The following ANXA6 variants were observed in gnomAD, a reference collection of about 807,000 sequenced individuals.
The protein encoded by ANXA6 is annexin A6.
In ANXA6, 71 loss-of-function variants were observed where a neutral mutation model predicts 95.4. The ratio of observed to expected loss-of-function variants is 0.74; its 90% CI spans 0.61 to 0.91. The LOEUF (loss-of-function observed/expected upper bound fraction) is 0.91. Among genes scored for constraint, ANXA6 ranks in the 40% least tolerant of loss-of-function variants. ANXA6 has a pLI of 0.00. For synonymous variants in ANXA6, 289 were observed against 315.9 expected (o/e 0.91, Z 0.90); for missense variants, 830 against 876.4 (o/e 0.95, Z 0.67).
At chr5:151,121,991 T>C (rs1007730967) in intron 17 of ANXA6, among the ~76,000 whole-genome samples, 156 bp downstream of exon 17, 1 of 152,206 alleles carries the variant, frequency 6.6e-6, no homozygotes, top group Non-Finnish European at 1.5e-5. Context: ...TTTTCAGTTA[T>C]AGGAGCCAAC....
At chr5:151,116,973 T>C (rs1414045757) in intron 20 of ANXA6, among the ~76,000 whole-genome samples, 154 bp downstream of exon 20, 1 of 152,184 alleles carries the variant, frequency 6.6e-6, no homozygotes, top group Non-Finnish European at 1.5e-5. Flanking sequence ...CTTCTAAACC[T>C]CATTTCTACA....
In ANXA6 at chr5:151,118,158, C is replaced by T. The variant is rs183460233; in HGVS notation, c.1439-321G>A. On this transcript the variant is annotated intron_variant, in intron 18 of 25. Transcript: ENST00000354546. ...GTCATTCTCTCTTCTACCTTCCCTC[C>T]TGCATGGCAGTTGCTAAACCCAAAA... Among the ~76,000 whole-genome samples the T allele has an allele frequency of 5.1e-4, 77 of 152,278 alleles. 1 individual carries two copies. The highest frequency in any genetic ancestry group is 1.3e-3 in the Admixed American group (20 of 15,294).
chr5:151,138,915 C>A (rs1765746228), intron 4 of ANXA6, 124 bp from the exon 5 acceptor site: 2 of 717,934 alleles, frequency 2.8e-6, no homozygotes, highest in Non-Finnish European at 4.9e-6. Flanking sequence ...ATTAAATCAT[C>A]ACCCTTGGAG....
chr5:151,104,452 T>C (rs1764639653), intron 24 of ANXA6, among the ~76,000 whole-genome samples: 1 of 152,300 alleles, frequency 6.6e-6, no homozygotes, highest in African/African-American at 2.4e-5. Flanking sequence ...GCTATGTAAA[T>C]GTGGGCAACG....
At chr5:151,115,057 G>C (rs181557245) in intron 20 of ANXA6, among the ~76,000 whole-genome samples, 167 of 152,256 alleles carry the variant, frequency 1.1e-3, no homozygotes, top group Admixed American at 2.4e-3. Flanking sequence ...AAAAGAGTTT[G>C]CTACTAGGAA....
chr5:151,110,803 G>A (rs901634530), intron 20 of ANXA6, among the ~76,000 whole-genome samples, 159 bp from the exon 21 acceptor site: 1 of 152,158 alleles, frequency 6.6e-6, no homozygotes, highest in African/African-American at 2.4e-5. Context: ...GCGAAAGGAA[G>A]GGGGGTAGGG....
chr5:151,105,094 T>A, intron 24 of ANXA6, 151 bp downstream of exon 24: 1 of 776,970 alleles, frequency 1.3e-6, no homozygotes, highest in Non-Finnish European at 2.2e-6. Flanking sequence ...AATACCATCC[T>A]AGAGCCAGAC....
rs1017773735 is a variant in ANXA6, at chr5:151,122,977, C to A, written c.1173G>T (p.Thr391=). ...GCTGCCGCTGGACATTGCTGCGGTGCGTGATGATATCGATGATTGTGTCTT... is the reference window on the plus strand; with the variant it reads ...GCTGCCGCTGGACATTGCTGCGGTGAGTGATGATATCGATGATTGTGTCTT... ...TDEDTIIDII[T]HRSNVQRQQI... is the part of the protein sequence containing the mutation. Residue 391 remains threonine, a synonymous_variant, in exon 16 of 26, where the codon ACG becomes ACT. Coordinates refer to ENST00000354546, the MANE Select transcript of ANXA6 (RefSeq NM_001155.5). The A allele has an allele frequency of 1.2e-6, 2 of 1,613,836 alleles. No homozygotes were observed. The highest frequency in any genetic ancestry group is 1.7e-5 in the Admixed American group (1 of 60,018).
At chr5:151,137,176 A>C in intron 6 of ANXA6, 55 bp downstream of exon 6, 1 of 1,458,742 alleles carries the variant, frequency 6.9e-7, no homozygotes, top group Non-Finnish European at 9.6e-7. Flanking sequence ...CCACTGTTGC[A>C]ATCATCCTCA....
chr5:151,106,336 TATA>T (rs1187947630), intron 23 of ANXA6, among the ~76,000 whole-genome samples: 1 of 152,092 alleles, frequency 6.6e-6, no homozygotes, highest in Non-Finnish European at 1.5e-5. Flanking sequence ...TGACTCTGGA[TATA>T]ATGAGAACAG....
chr5:151,140,474 G>A (rs1268096324), intron 2 of ANXA6: 7 of 522,062 alleles, frequency 1.3e-5, no homozygotes, highest in Non-Finnish European at 2.4e-5. Flanking sequence ...GCTTGGCCAA[G>A]GCCTGCAGCC....
chr5:151,150,745 C>T lies in ANXA6; in HGVS notation c.-25-2819G>A, dbSNP rs1033159342. 3.3e-5 allele frequency among the ~76,000 whole-genome samples: 5 copies of T among 152,220 alleles called. No individual in the cohort carries two copies. In the East Asian group the frequency reaches 5.8e-4, roughly 18 times the overall value. Reference sequence around the variant, plus strand: ...AGTGTGTGGTGGGGGGAGGAGGGGGCCCACATCTACCCCGGGATGAGGCTG... The same window carrying T: ...AGTGTGTGGTGGGGGGAGGAGGGGGTCCACATCTACCCCGGGATGAGGCTG... On this transcript the variant is annotated intron_variant, in intron 1 of 25. Coordinates refer to ENST00000354546, the MANE Select transcript of ANXA6 (RefSeq NM_001155.5).
intron 20 of ANXA6, among the ~76,000 whole-genome samples, chr5:151,112,301 TC>T (rs1764872281): frequency 1.3e-5 from 2 of 151,808 alleles, no homozygotes; most frequent in African/African-American, 4.8e-5. Flanking sequence ...TTATCTAGAT[TC>T]AAAAAAAAAT....
intron 17 of ANXA6, among the ~76,000 whole-genome samples, chr5:151,121,305 G>C (rs771554853): frequency 1.3e-5 from 2 of 152,118 alleles, no homozygotes; most frequent in South Asian, 2.1e-4. Context: ...TGTAAAATGG[G>C]GACAAAATAA....
At position 151,126,396 on chromosome 5, in the gene ANXA6, T is replaced by A; in HGVS notation, c.1056+6A>T. The A allele has an allele frequency of 3.7e-6, 6 of 1,605,354 alleles. No individual in the cohort carries two copies. Among genetic ancestry groups the A allele is most frequent in the Non-Finnish European group, 5.1e-6 (6 of 1,175,688 alleles). On this transcript the variant is annotated splice_donor_region_variant and intron_variant, in intron 14 of 25. Transcript: ENST00000354546. The stretch of plus-strand genomic sequence containing the variant: ...GAGGTCAAGCAGGAGGAGGGGAAGG[T>A]CTGACCTCTACTCGGGCCACTGCAC...
intron 1 of ANXA6, among the ~76,000 whole-genome samples, chr5:151,154,193 C>T (rs1363563): frequency 0.62 from 94,276 of 151,342 alleles, 29,646 homozygotes; most frequent in East Asian, 0.88. Context: ...TCCTACAAAC[C>T]AGGCCCACTG....
rs113174578 is a variant in ANXA6, at chr5:151,102,158, C to T, written c.1963-651G>A. On this transcript the variant is annotated intron_variant, in intron 25 of 25. Transcript: ENST00000354546. ...GACCCATGGTATGGTATGGATCTCC[C>T]TTCTGAGGGACTCCTATCATTGTTA... is the stretch of plus-strand genomic sequence containing the variant. Among the ~76,000 whole-genome samples, 605 of 152,268 alleles carry T rather than the reference C, an allele frequency of 4.0e-3. 3 individuals carry two copies. The highest frequency in any genetic ancestry group is 0.014 in the African/African-American group (578 of 41,552).
At position 151,134,560 on chromosome 5, in the gene ANXA6, C is replaced by T. The variant is rs915257588; in HGVS notation, c.490-77G>A. 12 of 1,489,434 alleles carry T rather than the reference C, an allele frequency of 8.1e-6. No homozygotes were observed. The African/African-American group carries it at 1.5e-4, about 19-fold the overall frequency. The allele number at this position is 1,489,434 out of a possible 1,614,324, so 92.3% of individuals were successfully genotyped here. A position where few individuals can be genotyped will look rare whatever the true frequency, so the allele number is the denominator to read the frequency against. ...GAGGCCTGGATGCCAGTGGTGGAGA[C>T]AGGGAAAGCAGGAAAACCCTGGTGG... On this transcript the variant is annotated intron_variant, in intron 7 of 25. Transcript: ENST00000354546.
At chr5:151,120,964 C>T (rs1009929457) in intron 17 of ANXA6, among the ~76,000 whole-genome samples, 1 of 151,768 alleles carries the variant, frequency 6.6e-6, no homozygotes, top group Non-Finnish European at 1.5e-5. Context: ...CACTTGGAAA[C>T]TTTGAAAATG....
Sources: gnomAD v4.1 joint callset for allele counts (sites outside exome capture counted in the v4.1 genomes callset) on GRCh38, gnomAD v4.1.1 for gene constraint, MANE v1.5 for transcripts, NCBI Gene and HGNC (gene_info 2026-07-23, HGNC 2026-07-21) for gene names.